ZNF704: variants seen among roughly 807,000 people sequenced by gnomAD.
ZNF704 encodes the protein zinc finger protein 704, also known as glucocorticoid induced gene 1.
A neutral mutation model predicts 44.7 loss-of-function variants in ZNF704; 10 were observed. The ratio of observed to expected loss-of-function variants is 0.22; its 90% confidence interval spans 0.14 to 0.38. The LOEUF is 0.38. Among genes scored for constraint, ZNF704 ranks in the 10% least tolerant of loss-of-function variants. ZNF704 has a pLI of 1.00. For missense variants in ZNF704, 390 were observed against 545.5 expected (o/e 0.71, Z 2.84); for synonymous variants, 211 against 207.6 (o/e 1.02, Z -0.14).
intron 1 of ZNF704, among the ~76,000 whole-genome samples, chr8:80,852,709 T>C (rs1424789637): frequency 1.3e-5 from 2 of 152,202 alleles, no homozygotes; most frequent in Non-Finnish European, 2.9e-5. Context: ...ATTCCCAAGT[T>C]TTCATTTGTT....
At chr8:80,755,860 C>A (rs547287813) in intron 2 of ZNF704, among the ~76,000 whole-genome samples, 1 of 152,272 alleles carries the variant, frequency 6.6e-6, no homozygotes, top group Admixed American at 6.5e-5. Flanking sequence ...AATTCCAGCA[C>A]TTTGGGAGGC....
the ZNF704 span, among the ~76,000 whole-genome samples, chr8:80,880,324 C>A: frequency 1.1e-4 from 16 of 152,128 alleles, no homozygotes; most frequent in Non-Finnish European, 1.8e-4. Flanking sequence ...TGCACCAAAC[C>A]ATGTAGTTCA....
At chr8:80,805,275 G>C (rs1162624933) in intron 2 of ZNF704, among the ~76,000 whole-genome samples, 2 of 152,016 alleles carry the variant, frequency 1.3e-5, no homozygotes, top group Non-Finnish European at 2.9e-5. Flanking sequence ...TGTAGCTCTG[G>C]GGAACATGGA....
At chr8:80,765,091 G>A (rs943090512) in intron 2 of ZNF704, among the ~76,000 whole-genome samples, 6 of 152,178 alleles carry the variant, frequency 3.9e-5, no homozygotes, top group African/African-American at 1.2e-4. Context: ...AACCAGGGAA[G>A]CTAATGGTAT....
intron 4 of ZNF704, among the ~76,000 whole-genome samples, chr8:80,673,842 A>G (rs1324895033): frequency 6.6e-6 from 1 of 152,250 alleles, no homozygotes; most frequent in East Asian, 1.9e-4. Context: ...GCAGATTACC[A>G]ACCACGGAAG....
At chr8:80,857,344 G>C (rs1300831467) in intron 1 of ZNF704, among the ~76,000 whole-genome samples, 2 of 152,228 alleles carry the variant, frequency 1.3e-5, no homozygotes, top group Admixed American at 1.3e-4. Context: ...TTAAATGTGA[G>C]GTTAATTATA....
chr8:80,717,920 A>G (rs1367183782), intron 2 of ZNF704, among the ~76,000 whole-genome samples: 1 of 152,166 alleles, frequency 6.6e-6, no homozygotes, highest in Non-Finnish European at 1.5e-5. Context: ...TCTCTCTCAC[A>G]TATTTACAGA....
chr8:80,828,933 T>C (rs766907476), intron 1 of ZNF704, among the ~76,000 whole-genome samples: 42 of 152,198 alleles, frequency 2.8e-4, no homozygotes, highest in Admixed American at 1.6e-3. Flanking sequence ...CAGAGCTCCA[T>C]TCTCATCTTG....
At chr8:80,682,770 A>G (rs779302591) in intron 4 of ZNF704, among the ~76,000 whole-genome samples, 11 of 152,204 alleles carry the variant, frequency 7.2e-5, no homozygotes, top group Non-Finnish European at 1.6e-4. Context: ...AGCAGCTAAC[A>G]TTTATTGCTC....
chr8:80,747,449 G>A (rs567673140), intron 2 of ZNF704, among the ~76,000 whole-genome samples: 1 of 152,258 alleles, frequency 6.6e-6, no homozygotes, highest in Admixed American at 6.5e-5. Flanking sequence ...TATTTTATAT[G>A]CTACACAAAC....
chr8:80,853,290 C>A (rs1426588895), intron 1 of ZNF704, among the ~76,000 whole-genome samples: 12 of 152,140 alleles, frequency 7.9e-5, no homozygotes, highest in Admixed American at 7.2e-4. Context: ...GCCGCTTGGG[C>A]CCAGGAGGTC....
At chr8:80,795,021 T>G (rs1297236356) in intron 2 of ZNF704, among the ~76,000 whole-genome samples, 3 of 152,226 alleles carry the variant, frequency 2.0e-5, no homozygotes, top group African/African-American at 7.2e-5. Flanking sequence ...TGAGCAAGTG[T>G]GTGTTCAAAC....
At chr8:80,787,565 GA>G (rs1377954573) in intron 2 of ZNF704, among the ~76,000 whole-genome samples, 3 of 152,008 alleles carry the variant, frequency 2.0e-5, no homozygotes, top group African/African-American at 4.8e-5. Flanking sequence ...GAATTTAAAT[GA>G]AAAAAATATA....
At chr8:80,843,996 T>C (rs1278231794) in intron 1 of ZNF704, among the ~76,000 whole-genome samples, 2 of 149,764 alleles carry the variant, frequency 1.3e-5, no homozygotes, top group Non-Finnish European at 3.0e-5. Flanking sequence ...TATATACACA[T>C]ACACACATGT....
chr8:80,738,992 C>T (rs1229102188), intron 2 of ZNF704, among the ~76,000 whole-genome samples: 3 of 152,168 alleles, frequency 2.0e-5, no homozygotes, highest in African/African-American at 7.2e-5. Context: ...GTAGGACAAG[C>T]AGGAACTGTT....
chr8:80,782,967 G>A (rs1807554938), intron 2 of ZNF704, among the ~76,000 whole-genome samples: 1 of 152,174 alleles, frequency 6.6e-6, no homozygotes, highest in South Asian at 2.1e-4. Flanking sequence ...GTGGATCTGA[G>A]CTGTTGAAAA....
At chr8:80,683,450 C>T (rs1443305881) in intron 4 of ZNF704, among the ~76,000 whole-genome samples, 1 of 152,130 alleles carries the variant, frequency 6.6e-6, no homozygotes, top group African/African-American at 2.4e-5. Context: ...ACCCTTGCTC[C>T]CACCCTGCCA....
chr8:80,683,627 T>C (rs1368520854), intron 4 of ZNF704, among the ~76,000 whole-genome samples: 1 of 152,212 alleles, frequency 6.6e-6, no homozygotes, highest in Non-Finnish European at 1.5e-5. Context: ...ACAGTTAACA[T>C]AACCTCAATG....
chr8:80,782,821 C>T (rs191796615), intron 2 of ZNF704, among the ~76,000 whole-genome samples: 1 of 152,218 alleles, frequency 6.6e-6, no homozygotes, highest in Non-Finnish European at 1.5e-5. Flanking sequence ...AAAATCCTCA[C>T]AAAATCCTCC....
Sources: gnomAD v4.1 joint callset for allele counts (sites outside exome capture counted in the v4.1 genomes callset) on GRCh38, gnomAD v4.1.1 for gene constraint, MANE v1.5 for transcripts, NCBI Gene and HGNC (gene_info 2026-07-23, HGNC 2026-07-21) for gene names.